Variants in COLEC12 observed in about 807,000 individuals in gnomAD.
COLEC12 encodes collectin subfamily member 12, also known as collectin-12.
Under a neutral mutation model 71.1 loss-of-function variants are expected in COLEC12, and 33 were observed. The ratio of observed to expected loss-of-function variants is 0.46; its 90% CI spans 0.35 to 0.62. The LOEUF is 0.62. Ranked by LOEUF, COLEC12 falls within the 20% of genes least tolerant of loss-of-function variation. The pLI, the probability that COLEC12 is intolerant of heterozygous loss-of-function variation, is 0.00. For synonymous variants in COLEC12, 350 were observed against 353.0 expected, an observed-to-expected ratio of 0.99 and a Z score of 0.10; for missense variants, 765 against 916.1, an observed-to-expected ratio of 0.84 and a Z score of 2.13.
At chr18:388,665 T>A (rs1054082480) in intron 2 of COLEC12, among the ~76,000 whole-genome samples, 2 of 152,200 alleles carry the variant, frequency 1.3e-5, no homozygotes, top group Non-Finnish European at 2.9e-5. Flanking sequence ...CGAACTCAGC[T>A]CACTCCCACC....
rs536824965 is a variant in COLEC12 at position 500,188 on chromosome 18, C to T, written c.7+320G>A. Among the ~76,000 whole-genome samples the T allele has an allele frequency of 2.6e-5, 4 of 152,300 alleles. No homozygotes were observed. The South Asian group carries it at 6.2e-4, about 24-fold the overall frequency. Reference sequence around the variant, plus strand: ...GGGATGGCGATGCCTCCACTCTCCTCGGCAGGTTTTTTCAATTAAAAAGTT... The same window carrying T: ...GGGATGGCGATGCCTCCACTCTCCTTGGCAGGTTTTTTCAATTAAAAAGTT... On this transcript the variant is annotated intron_variant, in intron 1 of 9. Transcript: ENST00000400256. This position sits in a 1 kb window ranked among gnomAD's most constrained non-coding sequence, Gnocchi z 5.3.
chr18:382,697 T>C (rs1238713772), intron 2 of COLEC12, among the ~76,000 whole-genome samples: 2 of 152,244 alleles, frequency 1.3e-5, no homozygotes, highest in African/African-American at 4.8e-5. Flanking sequence ...AATGAAATTA[T>C]GCATTTACAG....
intron 2 of COLEC12, among the ~76,000 whole-genome samples, chr18:472,525 A>AT (rs1165255073): frequency 6.6e-6 from 1 of 151,638 alleles, no homozygotes; most frequent in African/African-American, 2.4e-5. Flanking sequence ...ACAGAAAAAA[A>AT]TTTTTTTAAA....
chr18:374,528 T>C (rs182956522), intron 2 of COLEC12, among the ~76,000 whole-genome samples: 1 of 152,314 alleles, frequency 6.6e-6, no homozygotes, highest in African/African-American at 2.4e-5. Flanking sequence ...CCATGGGCTC[T>C]AGAAACCACC....
At chr18:419,599 G>A (rs7244161) in intron 2 of COLEC12, among the ~76,000 whole-genome samples, 139,441 of 152,326 alleles carry the variant, frequency 0.92, 64,566 homozygotes, top group East Asian at 1. Flanking sequence ...GCTGTCAACA[G>A]TCTTTATACA....
intron 2 of COLEC12, among the ~76,000 whole-genome samples, chr18:375,324 C>T (rs963303429): frequency 2.0e-5 from 3 of 152,216 alleles, no homozygotes; most frequent in African/African-American, 7.2e-5. Flanking sequence ...TTGCATGGGC[C>T]GTTTCCTCTG....
At chr18:372,470 T>C (rs562902049) in intron 2 of COLEC12, among the ~76,000 whole-genome samples, 1 of 152,198 alleles carries the variant, frequency 6.6e-6, no homozygotes, top group East Asian at 1.9e-4. Flanking sequence ...CAGGCTAGAG[T>C]GCAGTGGCGT....
At chr18:361,038 T>C (rs1211149516) in intron 2 of COLEC12, among the ~76,000 whole-genome samples, 2 of 152,166 alleles carry the variant, frequency 1.3e-5, no homozygotes, top group East Asian at 3.8e-4. Context: ...CTCAGGTGGT[T>C]AAACTCAAAG....
chr18:323,647 G>A (rs1913768426), intron 8 of COLEC12, among the ~76,000 whole-genome samples: 1 of 152,200 alleles, frequency 6.6e-6, no homozygotes, highest in Non-Finnish European at 1.5e-5. Flanking sequence ...TGCCTGAGCA[G>A]TTTAATCTTG....
intron 2 of COLEC12, among the ~76,000 whole-genome samples, chr18:364,090 T>C (rs1212522489): frequency 6.6e-6 from 1 of 152,242 alleles, no homozygotes; most frequent in Non-Finnish European, 1.5e-5. Flanking sequence ...TCAAATTCTG[T>C]GCATTTACCA....
chr18:320,447 C>T (rs1287859625), intron 9 of COLEC12, among the ~76,000 whole-genome samples: 1 of 152,190 alleles, frequency 6.6e-6, no homozygotes, highest in Non-Finnish European at 1.5e-5. Context: ...GTCCCTAGCA[C>T]TTGGACCAAT....
intron 2 of COLEC12, among the ~76,000 whole-genome samples, chr18:463,078 A>G (rs1598372782): frequency 6.6e-6 from 1 of 152,150 alleles, no homozygotes; most frequent in Admixed American, 6.5e-5. Context: ...CCAGGCTGAA[A>G]CCGAGAGGGT....
At chr18:390,223 GGGAA>G (rs1157250921) in intron 2 of COLEC12, among the ~76,000 whole-genome samples, 1 of 152,100 alleles carries the variant, frequency 6.6e-6, no homozygotes, top group Admixed American at 6.5e-5. Flanking sequence ...CCTAAAACCT[GGGAA>G]GGGAGGCCAT....
At chr18:497,642 C>T (rs1446824476) in intron 1 of COLEC12, among the ~76,000 whole-genome samples, 8 of 152,134 alleles carry the variant, frequency 5.3e-5, no homozygotes, top group African/African-American at 1.4e-4. Flanking sequence ...TATGGTGATC[C>T]GCCTGCCTCA....
At chr18:474,929 G>A (rs1567919343) in intron 2 of COLEC12, among the ~76,000 whole-genome samples, 1 of 151,936 alleles carries the variant, frequency 6.6e-6, no homozygotes, top group Non-Finnish European at 1.5e-5. Flanking sequence ...AAAAAAGTTA[G>A]CTGGGCTCGG....
Position 473,019 on chromosome 18 carries a change from C to T in COLEC12, c.58+7688G>A, listed in dbSNP as rs894192768. Among the ~76,000 whole-genome samples the T allele has an allele frequency of 6.6e-5, 10 of 152,076 alleles. No homozygotes were observed. The South Asian group carries it at 8.3e-4, about 13-fold the overall frequency. ...CATATATATTATGGTTTTATAATATCAATATATAGAATATCAATAATAAAA... is the reference window on the plus strand; with the variant it reads ...CATATATATTATGGTTTTATAATATTAATATATAGAATATCAATAATAAAA... On this transcript the variant is annotated intron_variant, in intron 2 of 9. Transcript: ENST00000400256.
chr18:472,082 G>A (rs1917209655), intron 2 of COLEC12, among the ~76,000 whole-genome samples: 1 of 152,166 alleles, frequency 6.6e-6, no homozygotes, highest in South Asian at 2.1e-4. Flanking sequence ...GCACTACTCT[G>A]AGTATTAACT....
chr18:368,766 T>C (rs1332935098), intron 2 of COLEC12, among the ~76,000 whole-genome samples: 1 of 152,104 alleles, frequency 6.6e-6, no homozygotes. Flanking sequence ...CTTCTGAGGC[T>C]GAGGCAGGAG....
At chr18:351,654 G>A (rs1431148295) in intron 3 of COLEC12, among the ~76,000 whole-genome samples, 3 of 151,952 alleles carry the variant, frequency 2.0e-5, no homozygotes, top group African/African-American at 4.8e-5. Flanking sequence ...TGCAACCTCC[G>A]CCTCCCAGGT....
Sources: gnomAD v4.1 joint callset for allele counts (sites outside exome capture counted in the v4.1 genomes callset) on GRCh38, gnomAD v4.1.1 for gene constraint, Gnocchi (gnomAD v3.1) non-coding constraint, MANE v1.5 for transcripts, NCBI Gene and HGNC (gene_info 2026-07-23, HGNC 2026-07-21) for gene names.